The following LRRFIP2 variants were observed in gnomAD, a reference collection of about 807,000 sequenced individuals.
LRRFIP2 encodes the protein leucine-rich repeat flightless-interacting protein 2.
LRRFIP2 carries 109 observed loss-of-function variants against 125.9 expected under a neutral mutation model. The observed-to-expected ratio is 0.87, with a 90% CI of 0.74 to 1.01. The LOEUF is 1.01. LRRFIP2 is among the 50% of genes least tolerant of loss of function. The pLI is 0.00. For synonymous variants in LRRFIP2, 291 were observed against 293.1 expected (o/e 0.99, Z 0.07); for missense variants, 850 against 862.3 (o/e 0.99, Z 0.18).
At chr3:37,122,551 AT>A (rs1208005885) in intron 4 of LRRFIP2, among the ~76,000 whole-genome samples, 1 of 152,194 alleles carries the variant, frequency 6.6e-6, no homozygotes, top group Non-Finnish European at 1.5e-5. Flanking sequence ...TCACTGATGT[AT>A]TTTAAGACAG....
intron 2 of LRRFIP2, chr3:37,135,139 GC>G: frequency 8.3e-7 from 1 of 1,210,650 alleles, no homozygotes; most frequent in Non-Finnish European, 1.2e-6. Flanking sequence ...CTGCATTATA[GC>G]TGGAATAAAC....
intron 1 of LRRFIP2, among the ~76,000 whole-genome samples, chr3:37,172,166 C>T (rs528061130): frequency 6.6e-6 from 1 of 152,274 alleles, no homozygotes; most frequent in South Asian, 2.1e-4. Context: ...CTTACAGTCA[C>T]ACTTTGAAAA....
chr3:37,148,256 A>C (rs1321893687), intron 2 of LRRFIP2, among the ~76,000 whole-genome samples: 1 of 152,228 alleles, frequency 6.6e-6, no homozygotes, highest in East Asian at 1.9e-4. Flanking sequence ...GATGCATTGG[A>C]TATTGTGAAA....
intron 4 of LRRFIP2, among the ~76,000 whole-genome samples, chr3:37,125,519 AT>A (rs2095242683): frequency 6.6e-6 from 1 of 152,196 alleles, no homozygotes; most frequent in Admixed American, 6.5e-5. Context: ...TATGCAAGTT[AT>A]TTACTTCACC....
chr3:37,169,797 G>C (rs374543273), intron 1 of LRRFIP2, among the ~76,000 whole-genome samples: 1 of 151,918 alleles, frequency 6.6e-6, no homozygotes, highest in Non-Finnish European at 1.5e-5. Context: ...AAGATATACA[G>C]GGTTCAAAAT....
upstream of LRRFIP2, chr3:37,176,099 G>C (rs989064672): frequency 8.5e-5 from 13 of 152,348 alleles, no homozygotes; most frequent in Non-Finnish European, 1.9e-4. Flanking sequence ...CGCTGTCCGG[G>C]AAGGGCCGAA....
Position 37,066,170 on chromosome 3 carries a change from AAGAT to A in LRRFIP2, c.1566+50_1566+53del. 5 of 1,470,530 alleles carry A rather than the reference AAGAT, an allele frequency of 3.4e-6. No individual in the cohort carries two copies. In the South Asian group the frequency reaches 3.4e-5, roughly 10 times the overall value. 91.1% of individuals were successfully genotyped at this position (1,470,530 alleles called of 1,614,324 possible). A position where few individuals can be genotyped will look rare whatever the true frequency, so the allele number is the denominator to read the frequency against. ...GAAAGATGGCAGGATGAAAGGAAGGAAGATAGAGAGTAAAACAGTGAGGGACCTG... is the reference window on the plus strand; with the variant it reads ...GAAAGATGGCAGGATGAAAGGAAGGAAGAGAGTAAAACAGTGAGGGACCTG... On this transcript the variant is annotated intron_variant, in intron 22 of 27. Coordinates refer to ENST00000336686, the MANE Select transcript of LRRFIP2 (RefSeq NM_006309.4).
intron 2 of LRRFIP2, among the ~76,000 whole-genome samples, chr3:37,148,075 A>G (rs1297235247): frequency 6.6e-6 from 1 of 152,186 alleles, no homozygotes; most frequent in East Asian, 1.9e-4. Flanking sequence ...CCACGTCTGA[A>G]GCATATTAAC....
intron 24 of LRRFIP2, among the ~76,000 whole-genome samples, chr3:37,062,958 T>C (rs1335490809): frequency 3.9e-5 from 6 of 152,084 alleles, no homozygotes; most frequent in South Asian, 2.1e-4. Context: ...ACCACATCTA[T>C]GTACCGAGAG....
At chr3:37,109,756 G>T in intron 9 of LRRFIP2, 53 bp from the exon 10 acceptor site, 1 of 1,508,954 alleles carries the variant, frequency 6.6e-7, no homozygotes, top group Non-Finnish European at 9.2e-7. Flanking sequence ...AGATGAATTG[G>T]TCTCACCATC....
At chr3:37,079,383 G>A (rs2092423421) in intron 19 of LRRFIP2, among the ~76,000 whole-genome samples, 1 of 152,152 alleles carries the variant, frequency 6.6e-6, no homozygotes, top group African/African-American at 2.4e-5. Context: ...TGTTCAAATG[G>A]TTAAACACAG....
chr3:37,140,382 G>A (rs1228534033), intron 2 of LRRFIP2: 1 of 152,118 alleles, frequency 6.6e-6, no homozygotes, highest in Non-Finnish European at 1.5e-5. Flanking sequence ...GATTAGCATG[G>A]CCTCTGTGCA....
intron 16 of LRRFIP2, among the ~76,000 whole-genome samples, chr3:37,095,200 G>C (rs114887616): frequency 7.2e-5 from 11 of 152,290 alleles, no homozygotes; most frequent in African/African-American, 2.6e-4. Context: ...GTTTATCTTT[G>C]CTATCCTGTA....
chr3:37,105,406 G>A, intron 14 of LRRFIP2, 49 bp downstream of exon 14: 2 of 1,449,394 alleles, frequency 1.4e-6, no homozygotes, highest in Non-Finnish European at 1.9e-6. Flanking sequence ...ATCATGCATT[G>A]CTGTCATTTA....
intron 1 of LRRFIP2, among the ~76,000 whole-genome samples, chr3:37,165,410 C>G (rs1300599760): frequency 9.0e-6 from 1 of 111,496 alleles, no homozygotes; most frequent in African/African-American, 3.5e-5. Context: ...TTCCACAAAA[C>G]TGAATCCTGG....
rs756613510 is a variant in LRRFIP2 at position 37,066,282 on chromosome 3, T to C, written c.1508A>G (p.Glu503Gly). 10 of 1,614,060 alleles carry C rather than the reference T, an allele frequency of 6.2e-6. No individual in the cohort carries two copies. The highest frequency in any genetic ancestry group is 1.7e-5 in the Admixed American group (1 of 60,010). ...CAGCTCCTCTCTGAGCATATCTCGC[T>C]CATTCCTAAGGCAGGCAATGTATTC... ...QKEYIACLRN[E>G]RDMLREELAD... Residue 503 changes from glutamate (E) to glycine (G), a missense_variant, in exon 22 of 28, where the codon GAG becomes GGG. Glu to Gly is a moderately conservative substitution (Grantham distance 98, BLOSUM62 -2). Transcript: ENST00000336686.
At chr3:37,134,027 C>CA (rs2095494384) in intron 2 of LRRFIP2, among the ~76,000 whole-genome samples, 1 of 151,892 alleles carries the variant, frequency 6.6e-6, no homozygotes, top group Non-Finnish European at 1.5e-5. Flanking sequence ...ACTAAAAATA[C>CA]AAAAATTAGC....
intron 24 of LRRFIP2, among the ~76,000 whole-genome samples, chr3:37,059,455 CAT>C (rs2148667512): frequency 6.6e-6 from 1 of 152,264 alleles, no homozygotes; most frequent in South Asian, 2.1e-4. Flanking sequence ...TACTTTTAGA[CAT>C]AGGTTAAATT....
At chr3:37,170,277 C>T (rs2150403032) in intron 1 of LRRFIP2, 1 of 152,296 alleles carries the variant, frequency 6.6e-6, no homozygotes, top group South Asian at 2.1e-4. Flanking sequence ...TAATACAAAG[C>T]TGCTGTTAAA....
Sources: gnomAD v4.1 joint callset for allele counts (sites outside exome capture counted in the v4.1 genomes callset) on GRCh38, gnomAD v4.1.1 for gene constraint, MANE v1.5 for transcripts, NCBI Gene and HGNC (gene_info 2026-07-23, HGNC 2026-07-21) for gene names.